CDC5L: variants seen among roughly 807,000 people sequenced by gnomAD.
CDC5L encodes the protein cell division cycle 5-like protein.
A neutral mutation model predicts 104.1 loss-of-function variants in CDC5L; 18 were observed. The ratio of observed to expected loss-of-function variants is 0.17; its 90% CI spans 0.12 to 0.26. The LOEUF (loss-of-function observed/expected upper bound fraction) is 0.26, where lower values mean the gene tolerates loss of function less well. CDC5L is among the 10% of genes least tolerant of loss of function. The pLI, the probability that CDC5L is intolerant of heterozygous loss-of-function variation, is 1.00. For missense variants in CDC5L, 673 were observed against 956.9 expected, an observed-to-expected ratio of 0.70 and a Z score of 3.91; for synonymous variants, 331 against 322.7, an observed-to-expected ratio of 1.03 and a Z score of -0.28.
chr6:44,427,326 A>G (rs1174407758), intron 13 of CDC5L, among the ~76,000 whole-genome samples: 3 of 152,296 alleles, frequency 2.0e-5, no homozygotes, highest in Middle Eastern at 3.4e-3. Context: ...AGAAATCTCC[A>G]TAATTGTATA....
chr6:44,390,563 A>C (rs562953061), intron 2 of CDC5L, among the ~76,000 whole-genome samples, 192 bp downstream of exon 2: 1 of 152,130 alleles, frequency 6.6e-6, no homozygotes, highest in Non-Finnish European at 1.5e-5. Flanking sequence ...CCATTTTTCT[A>C]TCCCTCTCCC....
At chr6:44,423,559 C>T (rs2153381320) in intron 10 of CDC5L, among the ~76,000 whole-genome samples, 1 of 152,224 alleles carries the variant, frequency 6.6e-6, no homozygotes, top group East Asian at 1.9e-4. Flanking sequence ...ACAGGAAAGC[C>T]TTATTAGAGG....
intron 14 of CDC5L, among the ~76,000 whole-genome samples, chr6:44,440,743 T>C (rs1347829616): frequency 1.3e-5 from 2 of 148,318 alleles, no homozygotes; most frequent in African/African-American, 5.0e-5. Context: ...AGTCTTGCTG[T>C]GTTGTCCAGG....
At chr6:44,435,170 C>A (rs16871898) in intron 14 of CDC5L, among the ~76,000 whole-genome samples, 4 of 135,356 alleles carry the variant, frequency 3.0e-5, no homozygotes, top group Non-Finnish European at 6.1e-5. Context: ...GGATCATATT[C>A]TACATTTTTC....
At chr6:44,415,681 G>A (rs1791877129) in intron 8 of CDC5L, among the ~76,000 whole-genome samples, 15 of 152,060 alleles carry the variant, frequency 9.9e-5, no homozygotes. Context: ...CACATCTCTT[G>A]CACACATCAT....
At chr6:44,441,977 G>A (rs1220382027) in intron 14 of CDC5L, among the ~76,000 whole-genome samples, 5 of 126,696 alleles carry the variant, frequency 3.9e-5, no homozygotes, top group African/African-American at 1.5e-4. Context: ...TCCTTCTGTC[G>A]CCAGGCTGGA....
At chr6:44,387,961 C>T (rs1480741431) in intron 1 of CDC5L, 93 bp downstream of exon 1, 4 of 1,250,528 alleles carry the variant, frequency 3.2e-6, no homozygotes, top group East Asian at 5.1e-5. Context: ...CGAGGAGACC[C>T]TGTGGGGTCT....
At chr6:44,393,805 C>G (rs1399589612) in intron 4 of CDC5L, among the ~76,000 whole-genome samples, 1 of 151,920 alleles carries the variant, frequency 6.6e-6, no homozygotes, top group African/African-American at 2.4e-5. Flanking sequence ...GTTGGGACTA[C>G]AGGTTTATGC....
intron 9 of CDC5L, among the ~76,000 whole-genome samples, chr6:44,421,373 T>TA (rs879468127): frequency 5.3e-5 from 8 of 152,226 alleles, no homozygotes; most frequent in Non-Finnish European, 1.2e-4. Flanking sequence ...AATTGGAACT[T>TA]ACAATGGTTG....
intron 14 of CDC5L, among the ~76,000 whole-genome samples, chr6:44,437,209 T>C (rs1792978625): frequency 6.6e-6 from 1 of 152,182 alleles, no homozygotes; most frequent in African/African-American, 2.4e-5. Flanking sequence ...GTCCTGTCCC[T>C]GTATGCATGT....
chr6:44,396,483 C>A, intron 5 of CDC5L, 43 bp downstream of exon 5: 2 of 1,194,976 alleles, frequency 1.7e-6, no homozygotes, highest in Non-Finnish European at 2.4e-6. Flanking sequence ...GTTTTTCTCA[C>A]ATAACAATCA....
rs1792235073 is a variant in CDC5L, at chr6:44,422,550, T to C, written c.1242-97T>C. ...TTTGAAATCTTTATTCTTTTTTTTT[T>C]CTATATTTCCTGTGAAATAATTTAT... On this transcript the variant is annotated intron_variant, in intron 9 of 15. Transcript: ENST00000371477. The C allele has an allele frequency of 4.9e-6, 4 of 813,276 alleles. 1 individual carries two copies. The highest frequency in any genetic ancestry group is 4.6e-5 in the South Asian group (2 of 43,640). The allele number at this position is 813,276 out of a possible 1,614,324, so 50.4% of individuals were successfully genotyped here.
Position 44,393,521 on chromosome 6 carries a change from T to A in CDC5L, c.387T>A (p.Asp129Glu). Residue 129 changes from aspartate to glutamate, a missense_variant, in exon 4 of 16, where the codon GAT becomes GAA. Asp to Glu is a conservative substitution (Grantham distance 45, BLOSUM62 2). Coordinates refer to ENST00000371477, the MANE Select transcript of CDC5L (RefSeq NM_001253.4). ...DPRKLKPGEI[D>E]PNPETKPARP... ...GAAAACTTAAACCTGGAGAAATAGATCCAAATCCAGAAACAAAACCAGCGC... is the reference window on the plus strand; with the variant it reads ...GAAAACTTAAACCTGGAGAAATAGAACCAAATCCAGAAACAAAACCAGCGC... 1 of 1,613,910 alleles carries A rather than the reference T, an allele frequency of 6.2e-7. No individual in the cohort carries two copies. The highest frequency in any genetic ancestry group is 8.5e-7 in the Non-Finnish European group (1 of 1,179,944).
chr6:44,416,275 C>T (rs1318963763), intron 8 of CDC5L, among the ~76,000 whole-genome samples: 1 of 152,100 alleles, frequency 6.6e-6, no homozygotes, highest in Non-Finnish European at 1.5e-5. Flanking sequence ...GGTCACCAGC[C>T]CTGGTGTGGA....
intron 8 of CDC5L, 61 bp downstream of exon 8, chr6:44,408,693 G>C (rs1228186805): frequency 7.9e-7 from 1 of 1,263,074 alleles, no homozygotes; most frequent in Admixed American, 2.4e-5. Flanking sequence ...GAAGTATCAT[G>C]CAGGAGAACT....
At chr6:44,417,883 C>T (rs180682246) in intron 8 of CDC5L, among the ~76,000 whole-genome samples, 3 of 152,304 alleles carry the variant, frequency 2.0e-5, no homozygotes, top group Admixed American at 2.0e-4. Flanking sequence ...GGCATTCAGA[C>T]ATTTGGCCTA....
intron 8 of CDC5L, among the ~76,000 whole-genome samples, chr6:44,413,850 G>A (rs1198139808): frequency 6.6e-6 from 1 of 152,144 alleles, no homozygotes; most frequent in Non-Finnish European, 1.5e-5. Flanking sequence ...CTCCCAAAAC[G>A]CTGGGATTAC....
chr6:44,448,616 A>G lies in CDC5L; in HGVS notation c.*1905A>G, dbSNP rs910039859. 37 of 151,678 alleles carry G rather than the reference A, an allele frequency of 2.4e-4. 1 individual carries two copies. Among genetic ancestry groups the G allele is most frequent in the East Asian group, 3.9e-4 (2 of 5,080 alleles). The allele number at this position is 151,678 out of a possible 1,614,324, so 9.4% of individuals were successfully genotyped here. A position where few individuals can be genotyped will look rare whatever the true frequency, so the allele number is the denominator to read the frequency against. On this transcript the variant is annotated 3_prime_UTR_variant, in exon 16 of 16. Transcript: ENST00000371477. ...ATATTTTCCTGGTGTGTAGTCACTT[A>G]ATTCAAATACTTTTTTCAGTAAGTT...
intron 6 of CDC5L, 32 bp from the exon 7 acceptor site, chr6:44,406,291 A>G: frequency 6.5e-7 from 1 of 1,531,862 alleles, no homozygotes; most frequent in Non-Finnish European, 8.9e-7. Flanking sequence ...TATGTAACTT[A>G]AAAATCTCTT....
Sources: allele counts gnomAD v4.1 joint callset (sites outside exome capture counted in the v4.1 genomes callset), GRCh38; gene constraint gnomAD v4.1.1; transcripts MANE v1.5; gene names NCBI Gene and HGNC (gene_info 2026-07-23, HGNC 2026-07-21).